The following HTR4 variants were observed in gnomAD, a reference collection of about 807,000 sequenced individuals.
HTR4 encodes 5-hydroxytryptamine receptor 4, also known as 5-hydroxytryptamine (serotonin) receptor 4, G protein-coupled.
HTR4 carries 16 observed loss-of-function variants against 36.8 expected under a neutral mutation model. That is an observed-to-expected ratio of 0.43 (90% CI 0.29 to 0.66). The LOEUF (loss-of-function observed/expected upper bound fraction) is 0.66, where lower values mean the gene tolerates loss of function less well. Among genes scored for constraint, HTR4 ranks in the 30% least tolerant of loss-of-function variants. The probability of loss-of-function intolerance (pLI) is 0.13; values close to 1 mark genes in which losing one functional copy is unlikely to be tolerated. For missense variants in HTR4, 438 were observed against 490.9 expected, an observed-to-expected ratio of 0.89 and a Z score of 1.02; for synonymous variants, 189 against 185.1, an observed-to-expected ratio of 1.02 and a Z score of -0.17.
intron 4 of HTR4, among the ~76,000 whole-genome samples, chr5:148,534,124 G>T (rs1227526208): frequency 1.3e-5 from 2 of 152,162 alleles, no homozygotes; most frequent in East Asian, 3.9e-4. Context: ...TTTTGATGTA[G>T]ATGTTACATG....
chr5:148,543,917 A>G (rs1487428621), intron 4 of HTR4, among the ~76,000 whole-genome samples: 1 of 152,170 alleles, frequency 6.6e-6, no homozygotes, highest in Non-Finnish European at 1.5e-5. Context: ...GAAGATTTCC[A>G]TGCTCCCTGG....
At position 148,488,861 on chromosome 5, in the gene HTR4, T is replaced by C. The variant is rs189280707; in HGVS notation, c.1077-5568A>G. On this transcript the variant is annotated intron_variant, in intron 6 of 6. Coordinates refer to ENST00000377888, the MANE Select transcript of HTR4 (RefSeq NM_000870.7). Reference sequence around the variant, plus strand: ...AATCTCATCACCAGTCTCAGATATGTCCATGTTTCAATACACCAAAGTGCG... The same window carrying C: ...AATCTCATCACCAGTCTCAGATATGCCCATGTTTCAATACACCAAAGTGCG... Among the ~76,000 whole-genome samples the C allele has an allele frequency of 1.0e-3, 153 of 152,300 alleles. 1 individual carries two copies. The highest frequency in any genetic ancestry group is 3.5e-3 in the African/African-American group (146 of 41,566).
chr5:148,532,910 C>T (rs1758644023), intron 4 of HTR4, among the ~76,000 whole-genome samples: 1 of 152,102 alleles, frequency 6.6e-6, no homozygotes, highest in Non-Finnish European at 1.5e-5. Context: ...TGATATGTTC[C>T]CAGGTGATGC....
At chr5:148,625,286 G>T (rs997892037) in intron 2 of HTR4, among the ~76,000 whole-genome samples, 5 of 152,110 alleles carry the variant, frequency 3.3e-5, no homozygotes, top group Admixed American at 6.5e-5. Flanking sequence ...CAGAGTCAAG[G>T]TTACATAATT....
intron 5 of HTR4, among the ~76,000 whole-genome samples, chr5:148,464,034 C>CAAAAAAA (rs34212190): frequency 6.0e-5 from 6 of 99,686 alleles, no homozygotes; most frequent in Non-Finnish European, 6.3e-5. Context: ...CATTGACATG[C>CAAAAAAA]AAAAAAAAAA....
At chr5:148,599,936 C>T (rs1230207293) in intron 2 of HTR4, among the ~76,000 whole-genome samples, 2 of 151,294 alleles carry the variant, frequency 1.3e-5, no homozygotes, top group African/African-American at 4.9e-5. Context: ...GAATATACTT[C>T]TAACAAATCA....
At chr5:148,494,326 C>G (rs1756585867) in intron 6 of HTR4, among the ~76,000 whole-genome samples, 1 of 152,078 alleles carries the variant, frequency 6.6e-6, no homozygotes, top group African/African-American at 2.4e-5. Flanking sequence ...GGCAGTCTGG[C>G]TGGACAGACA....
At chr5:148,564,650 C>T (rs555958793) in intron 2 of HTR4, among the ~76,000 whole-genome samples, 6 of 152,288 alleles carry the variant, frequency 3.9e-5, no homozygotes, top group East Asian at 1.9e-4. Context: ...CACCAATCCT[C>T]GCTTTGAATT....
intron 2 of HTR4, among the ~76,000 whole-genome samples, chr5:148,610,897 C>T (rs1010456065): frequency 6.1e-5 from 9 of 147,544 alleles, no homozygotes; most frequent in Non-Finnish European, 1.0e-4. Context: ...CCTCAGGAGC[C>T]GATGCGATCA....
At chr5:148,511,558 TGA>T (rs1017539618) in intron 5 of HTR4, among the ~76,000 whole-genome samples, 1 of 152,018 alleles carries the variant, frequency 6.6e-6, no homozygotes, top group African/African-American at 2.4e-5. Context: ...GACAGACATT[TGA>T]GTCATTTTTG....
At chr5:148,590,287 CTTTTTTTTTTTTTTTTT>C (rs779077579) in intron 2 of HTR4, among the ~76,000 whole-genome samples, 15 of 33,340 alleles carry the variant, frequency 4.5e-4, no homozygotes, top group African/African-American at 2.0e-3. Context: ...TTTTTCTTTT[CTTTTTTTTTTTTTTTTT>C]TTTTTTTTTT....
At chr5:148,534,905 C>A (rs1458507345) in intron 4 of HTR4, among the ~76,000 whole-genome samples, 2 of 152,078 alleles carry the variant, frequency 1.3e-5, no homozygotes, top group Admixed American at 1.3e-4. Flanking sequence ...ACTGAGATTG[C>A]CCCAGAGCTA....
chr5:148,622,805 A>G (rs1187570961), intron 2 of HTR4, among the ~76,000 whole-genome samples: 2 of 152,204 alleles, frequency 1.3e-5, no homozygotes, highest in African/African-American at 4.8e-5. Flanking sequence ...TCATTAATAT[A>G]AGGTTTTATT....
intron 5 of HTR4, among the ~76,000 whole-genome samples, chr5:148,515,321 T>C (rs1757690795): frequency 6.6e-6 from 1 of 152,192 alleles, no homozygotes; most frequent in Non-Finnish European, 1.5e-5. Context: ...TTTTCATGCA[T>C]TTTAATCCTA....
At position 148,550,178 on chromosome 5, in the gene HTR4, G is replaced by A. The variant is rs898616159; in HGVS notation, c.111C>T (p.Asn37=). The A allele has an allele frequency of 6.2e-6, 10 of 1,614,034 alleles. No individual in the cohort carries two copies. The highest frequency in any genetic ancestry group is 8.5e-6 in the Non-Finnish European group (10 of 1,180,010). The change falls in exon 3 of 7, where the codon AAC becomes AAT. Residue 37 remains asparagine (N), a synonymous_variant. Coordinates refer to ENST00000377888, the MANE Select transcript of HTR4 (RefSeq NM_000870.7). Reference sequence around the variant, plus strand: ...AGCACACAGCCACCATCACCAGCAGGTTCCCCAAGATGGCCATCAGGATAA... The same window carrying A: ...AGCACACAGCCACCATCACCAGCAGATTCCCCAAGATGGCCATCAGGATAA... ...STVILMAILG[N]LLVMVAVCWD...
At chr5:148,526,840 A>G (rs1758299814) in intron 4 of HTR4, among the ~76,000 whole-genome samples, 1 of 152,134 alleles carries the variant, frequency 6.6e-6, no homozygotes, top group Non-Finnish European at 1.5e-5. Flanking sequence ...TCATGGAGGT[A>G]AAGCATAAAA....
Position 148,509,688 on chromosome 5 carries a change from C to G in HTR4, c.844G>C (p.Asp282His). The G allele has an allele frequency of 6.2e-7, 1 of 1,614,102 alleles. No homozygotes were observed. Among genetic ancestry groups the G allele is most frequent in the Non-Finnish European group, 8.5e-7 (1 of 1,180,008 alleles). ...GGGACAGTGTAGTCTATGAAAGGATCCACAATATTGGTGACAAAGAATGGT... is the reference window on the plus strand; with the variant it reads ...GGGACAGTGTAGTCTATGAAAGGATGCACAATATTGGTGACAAAGAATGGT... ...WAPFFVTNIV[D>H]PFIDYTVPGQ... Residue 282 changes from aspartate (D) to histidine (H), a missense_variant, in exon 6 of 7, where the codon GAT (aspartate) becomes CAT (histidine). Asp to His is a moderately conservative substitution (Grantham distance 81). Transcript: ENST00000377888.
At chr5:148,454,900 G>A (rs1755062294) in intron 5 of HTR4, among the ~76,000 whole-genome samples, 1 of 152,154 alleles carries the variant, frequency 6.6e-6, no homozygotes, top group Non-Finnish European at 1.5e-5. Flanking sequence ...AATGACTTAT[G>A]TATGAGTCTT....
intron 2 of HTR4, among the ~76,000 whole-genome samples, chr5:148,551,538 G>A (rs867581644): frequency 2.8e-4 from 43 of 152,216 alleles, no homozygotes; most frequent in Non-Finnish European, 2.6e-4. Flanking sequence ...TTCAATGAAA[G>A]CATGATATCT....
Sources: gnomAD v4.1 joint callset for allele counts (sites outside exome capture counted in the v4.1 genomes callset) on GRCh38, gnomAD v4.1.1 for gene constraint, MANE v1.5 for transcripts, NCBI Gene and HGNC (gene_info 2026-07-23, HGNC 2026-07-21) for gene names.